COL15A1: variants seen among roughly 807,000 people sequenced by gnomAD.
The protein encoded by COL15A1 is collagen type XV alpha 1 chain, also known as collagen alpha-1(XV) chain.
A neutral mutation model predicts 165.9 loss-of-function variants in COL15A1; 111 were observed. That is an observed-to-expected ratio of 0.67 (90% CI 0.57 to 0.78). The LOEUF is 0.78. Ranked by LOEUF, COL15A1 falls within the 30% of genes least tolerant of loss-of-function variation. The probability of loss-of-function intolerance (pLI) is 0.00; values close to 1 mark genes in which losing one functional copy is unlikely to be tolerated. For missense variants in COL15A1, 1,745 were observed against 1,789.7 expected (o/e 0.98, Z 0.45); for synonymous variants, 659 against 674.8 (o/e 0.98, Z 0.36).
At chr9:98,984,701 G>A (rs1382683206) in intron 2 of COL15A1, among the ~76,000 whole-genome samples, 1 of 152,204 alleles carries the variant, frequency 6.6e-6, no homozygotes, top group African/African-American at 2.4e-5. Flanking sequence ...TGAGGCCTGG[G>A]AACACTTCAC....
intron 30 of COL15A1, among the ~76,000 whole-genome samples, chr9:99,051,270 A>G (rs16918163): frequency 0.11 from 16,905 of 152,220 alleles, 1,033 homozygotes; most frequent in South Asian, 0.2. Flanking sequence ...TGCAATTATC[A>G]TGACCTGCAC....
intron 23 of COL15A1, chr9:99,041,108 C>A (rs752139808): frequency 1.7e-4 from 26 of 155,310 alleles, no homozygotes; most frequent in Non-Finnish European, 3.1e-4. Flanking sequence ...GCCTCCAGGA[C>A]CTCCACTGCA....
At chr9:98,983,768 C>T (rs983363645) in intron 2 of COL15A1, among the ~76,000 whole-genome samples, 1 of 152,160 alleles carries the variant, frequency 6.6e-6, no homozygotes, top group African/African-American at 2.4e-5. Context: ...TTTCCGTGGA[C>T]GGTCTCATTT....
At chr9:99,045,415 T>C (rs1449864464) in intron 26 of COL15A1, among the ~76,000 whole-genome samples, 2 of 152,226 alleles carry the variant, frequency 1.3e-5, no homozygotes, top group African/African-American at 2.4e-5. Context: ...CATCTGCACA[T>C]TGAAGAGACT....
Position 98,986,129 on chromosome 9 carries a change from C to T in COL15A1, c.648+17C>T. Reference sequence around the variant, plus strand: ...AGATTCACTGTGAGTTAAAGTCCCACTCCAGGTAGATCAGGGAGGTGGATG... The same window carrying T: ...AGATTCACTGTGAGTTAAAGTCCCATTCCAGGTAGATCAGGGAGGTGGATG... On this transcript the variant is annotated intron_variant, in intron 3 of 41. Transcript: ENST00000375001. 6.3e-7 allele frequency: 1 copy of T among 1,597,552 alleles called. No individual in the cohort carries two copies.
chr9:98,987,327 C>G lies in COL15A1; in HGVS notation c.682C>G (p.Pro228Ala). The G allele has an allele frequency of 6.2e-7, 1 of 1,613,568 alleles. No individual in the cohort carries two copies. The change falls in exon 4 of 42, where the codon CCC (proline) becomes GCC (alanine). Residue 228 changes from proline to alanine, a missense_variant. By Grantham distance (27) the Pro-to-Ala change is conservative. Transcript: ENST00000375001. ...SLQQLTVHPD[P>A]RTPEELCDPE... The stretch of plus-strand genomic sequence containing the variant: ...CCAGCAGCTCACCGTGCACCCCGAC[C>G]CCAGGACTCCCGAGGAGCTGTGTGA...
chr9:98,996,890 A>G (rs777467950), intron 5 of COL15A1, 44 bp from the exon 6 acceptor site: 2 of 1,606,128 alleles, frequency 1.2e-6, no homozygotes, highest in Non-Finnish European at 1.7e-6. Context: ...CTTCTGCTTT[A>G]CTGCCAAGTA....
rs1839060351 is a variant in COL15A1, at chr9:99,023,381, G to A, written c.1786G>A (p.Gly596Ser). ...GGCAGGAGCAGAAGCAGAGGGCTCT[G>A]GCCTAGGCTGGGGCTCGGACGTCGG... ...PTAGAEAEGSGLGWGSDVGSG... is the reference protein window; with the variant it reads ...PTAGAEAEGSSLGWGSDVGSG... The change falls in exon 14 of 42, where the codon GGC becomes AGC. Residue 596 changes from glycine to serine, a missense_variant. Coordinates refer to ENST00000375001, the MANE Select transcript of COL15A1 (RefSeq NM_001855.5). The A allele has an allele frequency of 3.1e-6, 5 of 1,612,308 alleles. No homozygotes were observed. Among genetic ancestry groups the A allele is most frequent in the African/African-American group, 1.3e-5 (1 of 75,014 alleles).
At chr9:99,067,153 GAAGA>G in intron 40 of COL15A1, 86 bp downstream of exon 40, 5 of 1,183,670 alleles carry the variant, frequency 4.2e-6, no homozygotes, top group African/African-American at 3.1e-5. Context: ...GACATCAACA[GAAGA>G]CTGTTGACTT....
At position 99,060,236 on chromosome 9, in the gene COL15A1, A is replaced by T. The variant is rs59292464; in HGVS notation, c.3402+283A>T. Among the ~76,000 whole-genome samples, 273 of 90,592 alleles carry T rather than the reference A, an allele frequency of 3.0e-3. 1 individual carries two copies. Among genetic ancestry groups the T allele is most frequent in the African/African-American group, 0.01 (255 of 24,466 alleles). 59.4% of individuals were successfully genotyped at this position (90,592 alleles called of 152,430 possible). A position where few individuals can be genotyped will look rare whatever the true frequency, so the allele number is the denominator to read the frequency against. On this transcript the variant is annotated intron_variant, in intron 36 of 41. Transcript: ENST00000375001. Reference sequence around the variant, plus strand: ...CCAATCATATTACTTATATATTTTTATATATATATATATATATATATTTTT... The same window carrying T: ...CCAATCATATTACTTATATATTTTTTTATATATATATATATATATATTTTT...
intron 31 of COL15A1, 70 bp downstream of exon 31, chr9:99,052,503 C>T (rs563185177): frequency 1.3e-5 from 16 of 1,275,034 alleles, no homozygotes; most frequent in Middle Eastern, 1.9e-4. Flanking sequence ...TTCCTTTGCC[C>T]AGTGCAGGGC....
chr9:99,020,510 G>A, intron 12 of COL15A1, 68 bp downstream of exon 12: 1 of 1,138,390 alleles, frequency 8.8e-7, no homozygotes, highest in Non-Finnish European at 1.3e-6. Flanking sequence ...TGTTATTTAG[G>A]TTTGATTTAG....
intron 31 of COL15A1, among the ~76,000 whole-genome samples, chr9:99,053,472 C>T (rs571072293): frequency 6.6e-6 from 1 of 152,352 alleles, no homozygotes; most frequent in Admixed American, 6.5e-5. Flanking sequence ...TGTGAGCCTC[C>T]CCTGGAAGGA....
intron 21 of COL15A1, among the ~76,000 whole-genome samples, chr9:99,038,147 G>GT (rs58255708): frequency 0.14 from 21,355 of 152,096 alleles, 1,767 homozygotes; most frequent in East Asian, 0.35. Flanking sequence ...TCAAATATGT[G>GT]TAAGGGTGTG....
intron 2 of COL15A1, among the ~76,000 whole-genome samples, chr9:98,954,260 GTTA>G (rs1837740037): frequency 6.6e-6 from 1 of 152,120 alleles, no homozygotes; most frequent in African/African-American, 2.4e-5. Context: ...ATAATACATA[GTTA>G]TTATAAAAAC....
intron 31 of COL15A1, 55 bp downstream of exon 31, chr9:99,052,488 T>C (rs1839607232): frequency 2.8e-6 from 4 of 1,429,072 alleles, no homozygotes; most frequent in Non-Finnish European, 2.0e-6. Context: ...TTGAGGAAGA[T>C]GGTTTTCCTT....
intron 2 of COL15A1, among the ~76,000 whole-genome samples, chr9:98,951,525 C>T (rs541490541): frequency 2.5e-4 from 38 of 152,302 alleles, no homozygotes; most frequent in African/African-American, 6.7e-4. Context: ...GGACATGCAA[C>T]GTCCCACACC....
chr9:99,028,721 G>C (rs777270520), intron 16 of COL15A1, among the ~76,000 whole-genome samples: 13 of 152,066 alleles, frequency 8.5e-5, no homozygotes, highest in Non-Finnish European at 1.5e-5. Context: ...GGATAAAAGA[G>C]TACAGATTGG....
intron 22 of COL15A1, 31 bp downstream of exon 22, chr9:99,038,764 C>G (rs770689569): frequency 7.0e-6 from 10 of 1,433,094 alleles, no homozygotes; most frequent in Middle Eastern, 1.8e-4. Flanking sequence ...CAGAATGTGG[C>G]TTTTACCCAG....
Sources: allele counts gnomAD v4.1 joint callset (sites outside exome capture counted in the v4.1 genomes callset), GRCh38; gene constraint gnomAD v4.1.1; transcripts MANE v1.5; gene names NCBI Gene and HGNC (gene_info 2026-07-23, HGNC 2026-07-21).